The following OPCML variants were observed in gnomAD, a reference collection of about 807,000 sequenced individuals.
The protein encoded by OPCML is opioid binding protein/cell adhesion molecule like, also known as opioid-binding protein/cell adhesion molecule.
A neutral mutation model predicts 37.8 loss-of-function variants in OPCML; 13 were observed. That is an observed-to-expected ratio of 0.34 (90% CI 0.22 to 0.55). The LOEUF (loss-of-function observed/expected upper bound fraction) is 0.55. Among genes scored for constraint, OPCML ranks in the 20% least tolerant of loss-of-function variants. OPCML has a pLI of 0.91. For missense variants in OPCML, 341 were observed against 435.6 expected (o/e 0.78, Z 1.93); for synonymous variants, 176 against 168.8 (o/e 1.04, Z -0.33).
Position 133,458,715 on chromosome 11 carries a change from G to T in OPCML, c.61+73549C>A, listed in dbSNP as rs560054588. On this transcript the variant is annotated intron_variant, in intron 1 of 7. Coordinates refer to ENST00000524381, the MANE Select transcript of OPCML (RefSeq NM_001012393.5). ...TGTATATATACACATAGATGCACGTGTGTGTATATATACACATAGATGCAC... is the reference window on the plus strand; with the variant it reads ...TGTATATATACACATAGATGCACGTTTGTGTATATATACACATAGATGCAC... Among the ~76,000 whole-genome samples, 14 of 141,874 alleles carry T rather than the reference G, an allele frequency of 9.9e-5. 1 individual carries two copies. Among genetic ancestry groups the T allele is most frequent in the African/African-American group, 2.9e-4 (10 of 34,618 alleles). 93.1% of individuals were successfully genotyped at this position (141,874 alleles called of 152,430 possible). A position where few individuals can be genotyped will look rare whatever the true frequency, so the allele number is the denominator to read the frequency against.
intron 1 of OPCML, among the ~76,000 whole-genome samples, chr11:133,140,528 T>TAAGAAGAAGAAGAAGAAGAAGAAG (rs1489312604): frequency 3.6e-3 from 223 of 61,172 alleles, no homozygotes; most frequent in East Asian, 6.1e-3. Flanking sequence ...ATAATAATAA[T>TAAGAAGAAGAAGAAGAAGAAGAAG]AATAAGAAGA....
chr11:133,457,483 G>A (rs1349770438), intron 1 of OPCML, among the ~76,000 whole-genome samples: 2 of 152,134 alleles, frequency 1.3e-5, no homozygotes, highest in Non-Finnish European at 2.9e-5. Flanking sequence ...AGGCTGCAGT[G>A]AGCAGTCATC....
intron 1 of OPCML, among the ~76,000 whole-genome samples, chr11:133,140,937 AGAAGAAGAC>A (rs1448490679): frequency 0.011 from 185 of 16,714 alleles, 74 homozygotes; most frequent in African/African-American, 0.021. Flanking sequence ...ACGACGAAGA[AGAAGAAGAC>A]GACGAAGAAG....
At chr11:132,484,897 A>G (rs2137037705) in intron 4 of OPCML, among the ~76,000 whole-genome samples, 1 of 152,314 alleles carries the variant, frequency 6.6e-6, no homozygotes, top group Admixed American at 6.5e-5. Flanking sequence ...GAAGGGGAAC[A>G]TCACACTCTG....
At chr11:132,905,918 A>T (rs542958392) in intron 2 of OPCML, among the ~76,000 whole-genome samples, 55 of 152,324 alleles carry the variant, frequency 3.6e-4, no homozygotes, top group African/African-American at 1.3e-3. Flanking sequence ...GGGAACTATA[A>T]TTTAATTAAT....
intron 2 of OPCML, among the ~76,000 whole-genome samples, chr11:132,848,364 T>G (rs1941647192): frequency 6.6e-6 from 1 of 152,210 alleles, no homozygotes; most frequent in African/African-American, 2.4e-5. Flanking sequence ...ATATTATATA[T>G]TCACATATAC....
intron 2 of OPCML, among the ~76,000 whole-genome samples, chr11:132,834,072 T>C (rs1940868700): frequency 6.6e-6 from 1 of 152,258 alleles, no homozygotes; most frequent in South Asian, 2.1e-4. Flanking sequence ...TTTACTTTTC[T>C]TGGTCGTTAA....
intron 1 of OPCML, among the ~76,000 whole-genome samples, chr11:133,358,094 G>A (rs1565590754): frequency 6.6e-6 from 1 of 152,304 alleles, no homozygotes; most frequent in East Asian, 1.9e-4. Flanking sequence ...GTTGGCCCAT[G>A]TGGAAACATT....
chr11:133,333,046 CTAGTAGTAG>C (rs34681592), intron 1 of OPCML, among the ~76,000 whole-genome samples: 2 of 151,122 alleles, frequency 1.3e-5, no homozygotes, highest in African/African-American at 4.9e-5. Context: ...AGTAGTAGTA[CTAGTAGTAG>C]TAGTAGTAGT....
At chr11:132,593,918 C>T (rs777138288) in intron 3 of OPCML, among the ~76,000 whole-genome samples, 8 of 152,100 alleles carry the variant, frequency 5.3e-5, no homozygotes, top group Non-Finnish European at 1.2e-4. Context: ...TGAGAGTGCT[C>T]AAGAGTGCAG....
intron 3 of OPCML, among the ~76,000 whole-genome samples, chr11:132,564,136 G>A (rs79951818): frequency 0.022 from 3,281 of 152,314 alleles, 153 homozygotes; most frequent in South Asian, 0.16. Flanking sequence ...CTGCTCTCCC[G>A]ATTGATCTTG....
chr11:133,510,142 CAA>C (rs1948123673), intron 1 of OPCML, among the ~76,000 whole-genome samples: 1 of 152,160 alleles, frequency 6.6e-6, no homozygotes, highest in Non-Finnish European at 1.5e-5. Context: ...TCCTGACACA[CAA>C]GTTTGAGCAG....
At chr11:132,471,764 A>C (rs982709426) in intron 4 of OPCML, among the ~76,000 whole-genome samples, 2 of 152,196 alleles carry the variant, frequency 1.3e-5, no homozygotes, top group African/African-American at 4.8e-5. Context: ...TTTATTGAGC[A>C]ACTCCTAATT....
At chr11:133,523,844 C>T (rs566085093) in intron 1 of OPCML, among the ~76,000 whole-genome samples, 17 of 152,296 alleles carry the variant, frequency 1.1e-4, no homozygotes, top group African/African-American at 4.1e-4. Flanking sequence ...ATAATTTCTA[C>T]TCCTCCTCCT....
At chr11:133,016,233 G>A (rs1465665881) in intron 1 of OPCML, among the ~76,000 whole-genome samples, 2 of 152,214 alleles carry the variant, frequency 1.3e-5, no homozygotes, top group African/African-American at 4.8e-5. Context: ...GGCCTCACGA[G>A]GTTGAAGTCA....
At chr11:133,304,633 C>A (rs1407602080) in intron 1 of OPCML, among the ~76,000 whole-genome samples, 2 of 152,084 alleles carry the variant, frequency 1.3e-5, no homozygotes, top group Non-Finnish European at 2.9e-5. Context: ...CTTCTTGAAG[C>A]AAAAGTGTGA....
chr11:132,575,042 G>C (rs1413658781), intron 3 of OPCML, among the ~76,000 whole-genome samples: 3 of 151,970 alleles, frequency 2.0e-5, no homozygotes, highest in Non-Finnish European at 4.4e-5. Context: ...TTAAGTTAAA[G>C]TCAGTGTTAT....
intron 1 of OPCML, 118 bp downstream of exon 1, chr11:133,532,146 T>C: frequency 6.7e-7 from 1 of 1,487,662 alleles, no homozygotes; most frequent in Non-Finnish European, 9.1e-7. Flanking sequence ...CTCACATGCA[T>C]CTCACACTCC....
chr11:132,871,902 A>G (rs1942808747), intron 2 of OPCML, among the ~76,000 whole-genome samples: 2 of 152,284 alleles, frequency 1.3e-5, no homozygotes, highest in South Asian at 2.1e-4. Context: ...TGGGGTCACT[A>G]TCAACTCCCT....
Sources: allele counts gnomAD v4.1 joint callset (sites outside exome capture counted in the v4.1 genomes callset), GRCh38; gene constraint gnomAD v4.1.1; transcripts MANE v1.5; gene names NCBI Gene and HGNC (gene_info 2026-07-23, HGNC 2026-07-21).